Variants in TAF2 observed in about 807,000 individuals in gnomAD.
TAF2 encodes the protein transcription initiation factor TFIID subunit 2.
TAF2 carries 61 observed loss-of-function variants against 138.5 expected under a neutral mutation model. That is an observed-to-expected ratio of 0.44 (90% CI 0.36 to 0.54). The LOEUF (loss-of-function observed/expected upper bound fraction) is 0.54. Ranked by LOEUF, TAF2 falls within the 20% of genes least tolerant of loss-of-function variation. The pLI is 0.00. For synonymous variants in TAF2, 475 were observed against 469.9 expected, an observed-to-expected ratio of 1.01 and a Z score of -0.14; for missense variants, 1,090 against 1,427.9, an observed-to-expected ratio of 0.76 and a Z score of 3.81.
intron 6 of TAF2, among the ~76,000 whole-genome samples, chr8:119,800,749 A>G (rs543898047): frequency 6.6e-6 from 1 of 152,370 alleles, no homozygotes; most frequent in East Asian, 1.9e-4. Flanking sequence ...CAAGGCAAAT[A>G]TAAAAGGCAA....
chr8:119,756,154 T>C, intron 21 of TAF2, 39 bp from the exon 22 acceptor site: 1 of 1,429,960 alleles, frequency 7.0e-7, no homozygotes, highest in Non-Finnish European at 9.8e-7. Context: ...GCTGACCTTT[T>C]ACTGACAGAT....
intron 25 of TAF2, among the ~76,000 whole-genome samples, chr8:119,737,169 T>C (rs1176543766): frequency 6.6e-6 from 1 of 152,144 alleles, no homozygotes; most frequent in African/African-American, 2.4e-5. Context: ...TTGTTAAAAA[T>C]AAAAATAAAT....
At chr8:119,766,976 T>C (rs1326468192) in intron 18 of TAF2, 2 of 152,248 alleles carry the variant, frequency 1.3e-5, no homozygotes, top group Admixed American at 1.3e-4. Context: ...CTTTCTGATT[T>C]ACACACATAC....
intron 6 of TAF2, among the ~76,000 whole-genome samples, chr8:119,800,317 T>C: frequency 6.6e-6 from 1 of 152,240 alleles, no homozygotes; most frequent in Non-Finnish European, 1.5e-5. Flanking sequence ...AATTAACTTT[T>C]GTATAAGGTG....
At chr8:119,753,517 T>C (rs1472677198) in intron 22 of TAF2, among the ~76,000 whole-genome samples, 3 of 152,190 alleles carry the variant, frequency 2.0e-5, no homozygotes, top group East Asian at 1.9e-4. Context: ...CATTTATTTA[T>C]AAATCTGAAA....
At chr8:119,829,566 T>C (rs1166168636) in intron 2 of TAF2, among the ~76,000 whole-genome samples, 3 of 152,010 alleles carry the variant, frequency 2.0e-5, no homozygotes, top group Non-Finnish European at 4.4e-5. Flanking sequence ...TGTATATATA[T>C]ATACACATAC....
intron 3 of TAF2, among the ~76,000 whole-genome samples, chr8:119,807,530 C>A (rs1323961568): frequency 6.6e-6 from 1 of 152,226 alleles, no homozygotes; most frequent in Non-Finnish European, 1.5e-5. Context: ...TGGACCACAT[C>A]CTCGTTGTAC....
chr8:119,771,187 G>T (rs989727313), intron 18 of TAF2, among the ~76,000 whole-genome samples: 7 of 152,138 alleles, frequency 4.6e-5, no homozygotes, highest in Admixed American at 1.3e-4. Context: ...TAAAGGGATG[G>T]AAAAAGATAT....
intron 18 of TAF2, among the ~76,000 whole-genome samples, chr8:119,771,339 G>A (rs1187283710): frequency 1.3e-5 from 2 of 151,990 alleles, no homozygotes; most frequent in Non-Finnish European, 2.9e-5. Flanking sequence ...AGGTTCAAGT[G>A]ACTCTCCTGC....
At chr8:119,795,263 T>C (rs1278884528) in intron 9 of TAF2, among the ~76,000 whole-genome samples, 3 of 152,134 alleles carry the variant, frequency 2.0e-5, no homozygotes, top group African/African-American at 7.2e-5. Flanking sequence ...TACAAACGAC[T>C]ACTATAAGGA....
Position 119,789,672 on chromosome 8 carries a change from C to T in TAF2, c.1488G>A (p.Met496Ile). 2.5e-6 allele frequency: 4 copies of T among 1,613,938 alleles called. No homozygotes were observed. The highest frequency in any genetic ancestry group is 2.5e-6 in the Non-Finnish European group (3 of 1,179,954). ...TCAAAAACCCAGATGTGGAAACCAACATCTGACTCCACATATGTGACTGGA... is the reference window on the plus strand; with the variant it reads ...TCAAAAACCCAGATGTGGAAACCAATATCTGACTCCACATATGTGACTGGA... ...QKFQSHMWSQMLVSTSGFLKS... is the reference protein window; with the variant it reads ...QKFQSHMWSQILVSTSGFLKS... The change falls in exon 12 of 26, where the codon ATG becomes ATA. Residue 496 changes from methionine (M) to isoleucine (I), a missense_variant. This residue lies in a region of TAF2 where 504 missense variants were observed against 680.9 expected (regional missense o/e 0.74). Transcript: ENST00000378164.
chr8:119,799,805 C>T (rs1314531247), intron 6 of TAF2, among the ~76,000 whole-genome samples: 25 of 152,202 alleles, frequency 1.6e-4, no homozygotes, highest in Admixed American at 1.6e-3. Flanking sequence ...ACATCCTCTC[C>T]AGCACCTGTT....
At chr8:119,785,105 T>A (rs996617021) in intron 15 of TAF2, 96 bp downstream of exon 15, 1 of 930,246 alleles carries the variant, frequency 1.1e-6, no homozygotes, top group African/African-American at 1.6e-5. Flanking sequence ...AGCACTCATT[T>A]GGAGGACAGT....
rs1563872298 is a variant in TAF2 at position 119,783,562 on chromosome 8, T to G, written c.1931A>C (p.Gln644Pro). Residue 644 changes from glutamine to proline, a missense_variant, in exon 16 of 26, where the codon CAA (glutamine) becomes CCA (proline). By Grantham distance (76) the Gln-to-Pro change is moderately conservative. This residue lies in a region of TAF2 where 580 missense variants were observed against 719.6 expected (regional missense o/e 0.81). Coordinates refer to ENST00000378164, the MANE Select transcript of TAF2 (RefSeq NM_003184.4). ...MSVLRKVEFE[Q>P]ADFMWQYQLR... ...CTGATACTGCCACATAAAATCAGCT[T>G]GCTCAAATTCTACCTTCCTCAATAC... 6.2e-7 allele frequency: 1 copy of G among 1,614,188 alleles called. No individual in the cohort carries two copies. The highest frequency in any genetic ancestry group is 8.5e-7 in the Non-Finnish European group (1 of 1,180,020).
intron 11 of TAF2, among the ~76,000 whole-genome samples, chr8:119,791,091 A>G (rs1823398030): frequency 6.6e-6 from 1 of 152,144 alleles, no homozygotes. Flanking sequence ...ATGAGATACC[A>G]TGCCCAGCCA....
intron 22 of TAF2, 48 bp from the exon 23 acceptor site, chr8:119,746,982 TACA>T: frequency 6.3e-7 from 1 of 1,583,166 alleles, no homozygotes; most frequent in Non-Finnish European, 8.7e-7. Flanking sequence ...CATTGATTCA[TACA>T]TTTTAACTGT....
intron 25 of TAF2, among the ~76,000 whole-genome samples, chr8:119,733,640 A>C (rs1377784826): frequency 6.6e-6 from 1 of 152,148 alleles, no homozygotes; most frequent in African/African-American, 2.4e-5. Flanking sequence ...CTGAGAAACA[A>C]ATCTCTCTCT....
At position 119,783,559 on chromosome 8, in the gene TAF2, G is replaced by C; in HGVS notation, c.1934C>G (p.Ala645Gly). Residue 645 changes from alanine (A) to glycine (G), a missense_variant, in exon 16 of 26, where the codon GCT (alanine) becomes GGT (glycine). Transcript: ENST00000378164. ...SVLRKVEFEQ[A>G]DFMWQYQLRY... is the part of the protein sequence containing the mutation. Reference sequence around the variant, plus strand: ...GAGCTGATACTGCCACATAAAATCAGCTTGCTCAAATTCTACCTTCCTCAA... The same window carrying C: ...GAGCTGATACTGCCACATAAAATCACCTTGCTCAAATTCTACCTTCCTCAA... The C allele has an allele frequency of 6.2e-7, 1 of 1,614,086 alleles. No homozygotes were observed. Among genetic ancestry groups the C allele is most frequent in the East Asian group, 2.2e-5 (1 of 44,872 alleles).
chr8:119,790,281 CA>C (rs1235425198), intron 11 of TAF2, among the ~76,000 whole-genome samples: 1 of 151,890 alleles, frequency 6.6e-6, no homozygotes, highest in Non-Finnish European at 1.5e-5. Flanking sequence ...ACAAACAATA[CA>C]AAAATTAGTC....
Sources: allele counts gnomAD v4.1 joint callset (sites outside exome capture counted in the v4.1 genomes callset), GRCh38; gene constraint gnomAD v4.1.1; regional missense constraint gnomAD v4.1.1; transcripts MANE v1.5; gene names NCBI Gene and HGNC (gene_info 2026-07-23, HGNC 2026-07-21).